The following ZMIZ1 variants were observed in gnomAD, a reference collection of about 807,000 sequenced individuals.
ZMIZ1 encodes the protein zinc finger MIZ-type containing 1.
In ZMIZ1, 17 loss-of-function variants were observed where a neutral mutation model predicts 113.9. The observed-to-expected ratio is 0.15, with a 90% CI of 0.10 to 0.22. The LOEUF (loss-of-function observed/expected upper bound fraction) is 0.22, where lower values mean the gene tolerates loss of function less well. ZMIZ1 is among the 10% of genes least tolerant of loss of function. The pLI, the probability that ZMIZ1 is intolerant of heterozygous loss-of-function variation, is 1.00. For synonymous variants in ZMIZ1, 607 were observed against 603.1 expected, an observed-to-expected ratio of 1.01 and a Z score of -0.09; for missense variants, 1,059 against 1,477.8, an observed-to-expected ratio of 0.72 and a Z score of 4.65.
rs1564595335 is a variant in ZMIZ1 at position 79,297,657 on chromosome 10, C to T, written c.1458C>T (p.Ser486=). 6.2e-7 allele frequency: 1 copy of T among 1,614,098 alleles called. No homozygotes were observed. The highest frequency in any genetic ancestry group is 8.5e-7 in the Non-Finnish European group (1 of 1,179,968). ...NGQNNTFSGS[S]YSNYSQGNVN... ...AAAATAACACGTTCTCGGGAAGCAG[C>T]TACAGTAACTACAGCCAAGGGAATG... The change falls in exon 14 of 25, where the codon AGC becomes AGT. Residue 486 remains serine (S), a synonymous_variant. Coordinates refer to ENST00000334512, the MANE Select transcript of ZMIZ1 (RefSeq NM_020338.4).
chr10:79,134,076 C>T (rs906656589), intron 2 of ZMIZ1, among the ~76,000 whole-genome samples: 3 of 152,090 alleles, frequency 2.0e-5, no homozygotes, highest in African/African-American at 7.2e-5. Context: ...CCATTTGTAC[C>T]CCGGACACCA....
intron 9 of ZMIZ1, 156 bp from the exon 10 acceptor site, chr10:79,290,803 C>T (rs1329505251): frequency 2.4e-6 from 2 of 849,722 alleles, no homozygotes; most frequent in South Asian, 1.4e-5. Flanking sequence ...ATCACCGGTA[C>T]ACTCAGAATA....
chr10:79,108,692 T>C (rs190450467), intron 1 of ZMIZ1, among the ~76,000 whole-genome samples: 29 of 152,150 alleles, frequency 1.9e-4, no homozygotes, highest in South Asian at 8.3e-4. Flanking sequence ...GGGCCTGAGG[T>C]TGGCTGCTTC....
rs1374938398 is a variant in ZMIZ1 at position 79,137,499 on chromosome 10, C to G, written c.-226-2183C>G. Among the ~76,000 whole-genome samples, 8 of 152,220 alleles carry G rather than the reference C, an allele frequency of 5.3e-5. No homozygotes were observed. The East Asian group carries it at 1.5e-3, about 29-fold the overall frequency. On this transcript the variant is annotated intron_variant, in intron 2 of 24. Transcript: ENST00000334512. ...CAGGCCCCTCTCCCTTCCCACTCCC[C>G]CTCGGTATGTGCCCTGGTGGACAGG... is the stretch of plus-strand genomic sequence containing the variant.
chr10:79,312,296 A>C (rs888845961), intron 24 of ZMIZ1, among the ~76,000 whole-genome samples: 1 of 152,218 alleles, frequency 6.6e-6, no homozygotes, highest in African/African-American at 2.4e-5. Context: ...GAAGCATGTG[A>C]TTTCAGCTGG....
chr10:79,103,448 T>G (rs1843441754), intron 1 of ZMIZ1, among the ~76,000 whole-genome samples: 2 of 148,906 alleles, frequency 1.3e-5, no homozygotes, highest in African/African-American at 2.5e-5. Flanking sequence ...GGGTGAACGG[T>G]GGAAATGGCA....
chr10:79,155,460 C>T (rs1339032231), intron 3 of ZMIZ1, among the ~76,000 whole-genome samples: 1 of 152,228 alleles, frequency 6.6e-6, no homozygotes, highest in Non-Finnish European at 1.5e-5. Context: ...TTGGCTGGGC[C>T]CTTCCCTCTC....
intron 5 of ZMIZ1, among the ~76,000 whole-genome samples, chr10:79,205,596 C>T (rs181294966): frequency 8.9e-4 from 135 of 152,296 alleles, no homozygotes; most frequent in African/African-American, 3.2e-3. Flanking sequence ...CTCAACTTTG[C>T]GGCAGCCCTG....
chr10:79,301,663 G>GCACAT (rs1854308599), intron 17 of ZMIZ1, among the ~76,000 whole-genome samples: 2 of 152,306 alleles, frequency 1.3e-5, no homozygotes, highest in East Asian at 1.9e-4. Flanking sequence ...TCCCATTCTG[G>GCACAT]CTGGGGAATG....
chr10:79,164,519 T>G (rs1047527215), intron 4 of ZMIZ1, among the ~76,000 whole-genome samples: 2 of 152,196 alleles, frequency 1.3e-5, no homozygotes, highest in Admixed American at 6.5e-5. Flanking sequence ...AGCTCTGTTA[T>G]AATTTGGAGT....
rs1434565725 is a variant in ZMIZ1 at position 79,209,268 on chromosome 10, C to T, written c.174+819C>T. On this transcript the variant is annotated intron_variant, in intron 6 of 24. Coordinates refer to ENST00000334512, the MANE Select transcript of ZMIZ1 (RefSeq NM_020338.4). ...GGAACAGCATCTGCAAAAGGCCACACACCCGATGGAACCCAGAGAACAGGA... is the reference window on the plus strand; with the variant it reads ...GGAACAGCATCTGCAAAAGGCCACATACCCGATGGAACCCAGAGAACAGGA... 5.9e-5 allele frequency among the ~76,000 whole-genome samples: 9 copies of T among 152,160 alleles called. No individual in the cohort carries two copies. In the East Asian group the frequency reaches 1.4e-3, roughly 23 times the overall value.
intron 2 of ZMIZ1, among the ~76,000 whole-genome samples, chr10:79,126,951 C>T (rs1242003641): frequency 6.6e-6 from 1 of 152,146 alleles, no homozygotes; most frequent in African/African-American, 2.4e-5. Flanking sequence ...CTGGGGTTTG[C>T]CAGGCTGGAC....
chr10:79,269,136 GCAAGCC>G (rs1448557478), intron 7 of ZMIZ1, among the ~76,000 whole-genome samples: 1 of 152,114 alleles, frequency 6.6e-6, no homozygotes, highest in Non-Finnish European at 1.5e-5. Flanking sequence ...GACTCAACAG[GCAAGCC>G]CCTGCAGCTC....
Position 79,277,191 on chromosome 10 carries a change from C to A in ZMIZ1, c.291C>A (p.Ser97=). 6.4e-7 allele frequency: 1 copy of A among 1,552,590 alleles called. No homozygotes were observed. Among genetic ancestry groups the A allele is most frequent in the South Asian group, 1.2e-5 (1 of 84,040 alleles). The part of the protein sequence containing the change: ...KFTPKSAALL[S]SWCEELGRLL... ...CTGTCCTTCCTGCAGCCTTGTTGTC[C>A]TCCTGGTGCGAAGAGCTCGGCCGCC... The change falls in exon 8 of 25, where the codon TCC becomes TCA. Residue 97 remains serine (S), a synonymous_variant. Transcript: ENST00000334512.
intron 2 of ZMIZ1, among the ~76,000 whole-genome samples, chr10:79,139,239 T>TGCCG (rs1182139002): frequency 6.6e-6 from 1 of 152,122 alleles, no homozygotes; most frequent in African/African-American, 2.4e-5. Flanking sequence ...TGGAAGTGGC[T>TGCCG]GCCGGCCGGC....
At chr10:79,273,939 G>A (rs1197644207) in intron 7 of ZMIZ1, among the ~76,000 whole-genome samples, 1 of 152,276 alleles carries the variant, frequency 6.6e-6, no homozygotes, top group Non-Finnish European at 1.5e-5. Flanking sequence ...GCAGTCACAT[G>A]TACTGGCCAA....
chr10:79,129,630 G>GC (rs1564668136), intron 2 of ZMIZ1, among the ~76,000 whole-genome samples: 1 of 152,230 alleles, frequency 6.6e-6, no homozygotes, highest in Non-Finnish European at 1.5e-5. Context: ...GGCTGTGACT[G>GC]CAGTTGTCTG....
intron 7 of ZMIZ1, among the ~76,000 whole-genome samples, chr10:79,231,319 C>T (rs529494617): frequency 6.6e-6 from 1 of 152,354 alleles, no homozygotes; most frequent in Admixed American, 6.5e-5. Flanking sequence ...GCGATCTCAG[C>T]TCACTGCAAC....
chr10:79,138,600 C>A (rs2132404386), intron 2 of ZMIZ1, among the ~76,000 whole-genome samples: 1 of 152,294 alleles, frequency 6.6e-6, no homozygotes, highest in African/African-American at 2.4e-5. Context: ...GGCTCTGACC[C>A]CTTACATCCC....
Sources: allele counts gnomAD v4.1 joint callset (sites outside exome capture counted in the v4.1 genomes callset), GRCh38; gene constraint gnomAD v4.1.1; transcripts MANE v1.5; gene names NCBI Gene and HGNC (gene_info 2026-07-23, HGNC 2026-07-21).